MECOM: variants seen among roughly 807,000 people sequenced by gnomAD.
The protein encoded by MECOM is histone-lysine N-methyltransferase MECOM.
Under a neutral mutation model 116.3 loss-of-function variants are expected in MECOM, and 13 were observed. The ratio of observed to expected loss-of-function variants is 0.11; its 90% CI spans 0.07 to 0.18. The LOEUF (loss-of-function observed/expected upper bound fraction) is 0.18. MECOM is among the 10% of genes least tolerant of loss of function. MECOM has a pLI of 1.00. For missense variants in MECOM, 1,299 were observed against 1,509.0 expected, an observed-to-expected ratio of 0.86 and a Z score of 2.31; for synonymous variants, 528 against 535.2, an observed-to-expected ratio of 0.99 and a Z score of 0.19.
At chr3:169,094,330 C>A (rs1680623848) in intron 13 of MECOM, among the ~76,000 whole-genome samples, 1 of 152,158 alleles carries the variant, frequency 6.6e-6, no homozygotes, top group Non-Finnish European at 1.5e-5. Context: ...CCTTTATTCT[C>A]TGGAGACAAA....
At chr3:169,108,038 G>T in intron 9 of MECOM, 86 bp from the exon 10 acceptor site, 3 of 1,132,564 alleles carry the variant, frequency 2.6e-6, no homozygotes, top group Non-Finnish European at 3.9e-6. Flanking sequence ...ATTAACATTT[G>T]TACTAACTTA....
intron 2 of MECOM, among the ~76,000 whole-genome samples, chr3:169,164,447 T>C (rs993286311): frequency 6.6e-6 from 1 of 152,116 alleles, no homozygotes; most frequent in Non-Finnish European, 1.5e-5. Context: ...ATCAGCGGCA[T>C]GAAAACCGAC....
intron 1 of MECOM, among the ~76,000 whole-genome samples, chr3:169,531,467 C>G (rs532636525): frequency 2.6e-5 from 4 of 152,168 alleles, no homozygotes; most frequent in African/African-American, 9.7e-5. Context: ...TCTCATATGA[C>G]CCTCTCCATA....
chr3:169,176,383 A>T (rs903780152), intron 2 of MECOM, among the ~76,000 whole-genome samples: 1 of 152,208 alleles, frequency 6.6e-6, no homozygotes, highest in Admixed American at 6.5e-5. Flanking sequence ...CTCCTATTCA[A>T]TAAATGGTGC....
Position 169,472,608 on chromosome 3 carries a change from GAAAGGAAAGA to G in MECOM, c.38-91094_38-91085del, listed in dbSNP as rs1350367935. Among the ~76,000 whole-genome samples, 8 of 60,262 alleles carry G rather than the reference GAAAGGAAAGA, an allele frequency of 1.3e-4. 2 individuals are homozygous for G. Among genetic ancestry groups the G allele is most frequent in the Non-Finnish European group, 2.2e-4 (8 of 35,874 alleles). 39.5% of individuals were successfully genotyped at this position (60,262 alleles called of 152,430 possible). On this transcript the variant is annotated intron_variant, in intron 1 of 16. Transcript: ENST00000651503. ...GAAAGGAAAGGAAAGGAAAGGAAAGGAAAGGAAAGAAAAGAAAAGAAAAGAAAAGGAAAGG... is the reference window on the plus strand; with the variant it reads ...GAAAGGAAAGGAAAGGAAAGGAAAGGAAAGAAAAGAAAAGAAAAGGAAAGG...
intron 2 of MECOM, among the ~76,000 whole-genome samples, chr3:169,283,594 T>C (rs1298464574): frequency 6.6e-6 from 1 of 152,162 alleles, no homozygotes; most frequent in East Asian, 1.9e-4. Context: ...ATAGATCTCA[T>C]CTCCAGAATT....
At chr3:169,485,399 T>C (rs1752001655) in intron 1 of MECOM, among the ~76,000 whole-genome samples, 1 of 152,192 alleles carries the variant, frequency 6.6e-6, no homozygotes, top group South Asian at 2.1e-4. Context: ...GTCAACAAAA[T>C]AGTTTAAATG....
intron 1 of MECOM, among the ~76,000 whole-genome samples, chr3:169,635,841 G>A (rs897700618): frequency 6.6e-6 from 1 of 152,134 alleles, no homozygotes; most frequent in Admixed American, 6.5e-5. Flanking sequence ...ATTTTTAGAA[G>A]CCACATGATC....
chr3:169,107,259 A>G (rs77547313), intron 10 of MECOM, among the ~76,000 whole-genome samples: 3,180 of 152,266 alleles, frequency 0.021, 108 homozygotes, highest in African/African-American at 0.072. Flanking sequence ...ATTTGGGGGT[A>G]AAAACTAAAT....
At chr3:169,320,225 A>G (rs892698052) in intron 2 of MECOM, among the ~76,000 whole-genome samples, 1 of 152,230 alleles carries the variant, frequency 6.6e-6, no homozygotes, top group Non-Finnish European at 1.5e-5. Flanking sequence ...GTTAAAGGTT[A>G]AGGTCAGATA....
At chr3:169,097,219 T>A (rs1046026408) in intron 12 of MECOM, among the ~76,000 whole-genome samples, 1 of 152,152 alleles carries the variant, frequency 6.6e-6, no homozygotes, top group Non-Finnish European at 1.5e-5. Flanking sequence ...TCTAACTTTC[T>A]GCTTGCACAC....
chr3:169,105,036 G>A (rs1724892247), intron 10 of MECOM, among the ~76,000 whole-genome samples: 2 of 152,090 alleles, frequency 1.3e-5, no homozygotes, highest in South Asian at 4.1e-4. Flanking sequence ...ATTGGAGTGG[G>A]GAAAGGGAGG....
chr3:169,647,733 A>C (rs569376075), intron 1 of MECOM, among the ~76,000 whole-genome samples: 1 of 152,190 alleles, frequency 6.6e-6, no homozygotes, highest in African/African-American at 2.4e-5. Flanking sequence ...AGCTTTTTGC[A>C]GCTGATAAAA....
At chr3:169,284,974 T>G (rs1712966196) in intron 2 of MECOM, among the ~76,000 whole-genome samples, 1 of 152,086 alleles carries the variant, frequency 6.6e-6, no homozygotes, top group African/African-American at 2.4e-5. Flanking sequence ...CACAACAGGA[T>G]CCATGGTGTG....
chr3:169,583,887 A>G (rs896442868), intron 1 of MECOM, among the ~76,000 whole-genome samples: 2 of 152,040 alleles, frequency 1.3e-5, no homozygotes, highest in African/African-American at 4.8e-5. Context: ...TTATAGGCAT[A>G]AGCCACCGTG....
chr3:169,561,178 A>T (rs1031375666), intron 1 of MECOM, among the ~76,000 whole-genome samples: 3 of 152,088 alleles, frequency 2.0e-5, no homozygotes, highest in Non-Finnish European at 1.5e-5. Flanking sequence ...ATGTAAGGGT[A>T]TATGAATATT....
At chr3:169,509,089 T>C (rs1214435886) in intron 1 of MECOM, among the ~76,000 whole-genome samples, 1 of 152,218 alleles carries the variant, frequency 6.6e-6, no homozygotes, top group Non-Finnish European at 1.5e-5. Context: ...GACCTGCTAT[T>C]AATGTGCCTC....
intron 1 of MECOM, among the ~76,000 whole-genome samples, chr3:169,630,369 T>C (rs1427171480): frequency 2.7e-5 from 4 of 150,132 alleles, no homozygotes; most frequent in African/African-American, 7.4e-5. Flanking sequence ...AAGGATGGAG[T>C]TTGGGGCATT....
intron 1 of MECOM, among the ~76,000 whole-genome samples, chr3:169,616,433 C>A (rs1023629585): frequency 1.3e-5 from 2 of 152,126 alleles, no homozygotes; most frequent in African/African-American, 4.8e-5. Context: ...GCAACCTCCG[C>A]CTCCTGGGTT....
Sources: gnomAD v4.1 joint callset for allele counts (sites outside exome capture counted in the v4.1 genomes callset) on GRCh38, gnomAD v4.1.1 for gene constraint, MANE v1.5 for transcripts, NCBI Gene and HGNC (gene_info 2026-07-23, HGNC 2026-07-21) for gene names.